Variants in KCNH7 observed in about 807,000 individuals in gnomAD.
The protein encoded by KCNH7 is voltage-gated inwardly rectifying potassium channel KCNH7.
In KCNH7, 49 loss-of-function variants were observed where a neutral mutation model predicts 120.8. The ratio of observed to expected loss-of-function variants is 0.41; its 90% CI spans 0.32 to 0.51. The LOEUF (loss-of-function observed/expected upper bound fraction) is 0.51, where lower values mean the gene tolerates loss of function less well. Ranked by LOEUF, KCNH7 falls within the 20% of genes least tolerant of loss-of-function variation. The pLI, the probability that KCNH7 is intolerant of heterozygous loss-of-function variation, is 0.38. For missense variants in KCNH7, 1,097 were observed against 1,446.6 expected, an observed-to-expected ratio of 0.76 and a Z score of 3.92; for synonymous variants, 547 against 516.1, an observed-to-expected ratio of 1.06 and a Z score of -0.81.
intron 2 of KCNH7, among the ~76,000 whole-genome samples, chr2:162,574,684 T>C (rs1327133124): frequency 6.6e-6 from 1 of 151,984 alleles, no homozygotes; most frequent in Non-Finnish European, 1.5e-5. Context: ...GAATAAAAAT[T>C]TAGAAAGCTG....
intron 3 of KCNH7, among the ~76,000 whole-genome samples, chr2:162,522,402 A>G (rs1392971540): frequency 6.6e-6 from 1 of 151,922 alleles, no homozygotes; most frequent in East Asian, 2.0e-4. Context: ...CCAGTGTGGT[A>G]CAGATGGTCT....
At chr2:162,468,543 C>T (rs186213575) in intron 6 of KCNH7, among the ~76,000 whole-genome samples, 150 of 97,458 alleles carry the variant, frequency 1.5e-3, no homozygotes, top group African/African-American at 6.1e-3. Context: ...TTTTTTCAGA[C>T]GGAGTCTCAG....
intron 2 of KCNH7, 37 bp from the exon 3 acceptor site, chr2:162,537,117 G>T: frequency 6.6e-7 from 1 of 1,525,402 alleles, no homozygotes. Flanking sequence ...TTAAAAATAT[G>T]CCTTCATTCT....
chr2:162,671,814 C>T (rs1685370972), intron 2 of KCNH7, among the ~76,000 whole-genome samples: 1 of 151,942 alleles, frequency 6.6e-6, no homozygotes. Context: ...GCTGATATAG[C>T]TGTATTATTA....
chr2:162,578,999 C>T (rs565686664), intron 2 of KCNH7, among the ~76,000 whole-genome samples: 1 of 151,842 alleles, frequency 6.6e-6, no homozygotes, highest in South Asian at 2.1e-4. Flanking sequence ...AACGCCTACA[C>T]TTGGACTGAT....
Position 162,747,887 on chromosome 2 carries a change from C to T in KCNH7, c.307+88650G>A, listed in dbSNP as rs183588227. On this transcript the variant is annotated intron_variant, in intron 2 of 15. Coordinates refer to ENST00000332142, the MANE Select transcript of KCNH7 (RefSeq NM_033272.4). ...TACAGTGGTCCAGAAGGAAGATGCA[C>T]AAATGTCTATAAAGTGCCTACCTTC... Among the ~76,000 whole-genome samples the T allele has an allele frequency of 1.6e-3, 246 of 152,288 alleles. 2 individuals carry two copies. Among genetic ancestry groups the T allele is most frequent in the African/African-American group, 5.7e-3 (236 of 41,578 alleles).
At position 162,754,251 on chromosome 2, in the gene KCNH7, A is replaced by C. The variant is rs1402311460; in HGVS notation, c.307+82286T>G. 2.6e-5 allele frequency among the ~76,000 whole-genome samples: 4 copies of C among 152,130 alleles called. No homozygotes were observed. In the East Asian group the frequency reaches 7.7e-4, roughly 29 times the overall value. On this transcript the variant is annotated intron_variant, in intron 2 of 15. Coordinates refer to ENST00000332142, the MANE Select transcript of KCNH7 (RefSeq NM_033272.4). ...AGATTACTACAATAGATCAAGAGGC[A>C]GCAGTCTGAAACTGTACAAGAGTAG...
chr2:162,824,702 G>C (rs1685225414), intron 2 of KCNH7, among the ~76,000 whole-genome samples: 1 of 152,064 alleles, frequency 6.6e-6, no homozygotes, highest in Non-Finnish European at 1.5e-5. Context: ...CGTATCATAT[G>C]TAATTTTGAG....
At chr2:162,811,349 A>T (rs1298955518) in intron 2 of KCNH7, among the ~76,000 whole-genome samples, 1 of 152,176 alleles carries the variant, frequency 6.6e-6, no homozygotes, top group Non-Finnish European at 1.5e-5. Context: ...AAACAACATT[A>T]TGAAAAGGTT....
intron 2 of KCNH7, among the ~76,000 whole-genome samples, chr2:162,683,566 T>C (rs1685784384): frequency 6.6e-6 from 1 of 151,900 alleles, no homozygotes; most frequent in African/African-American, 2.4e-5. Context: ...ACATTTCTAA[T>C]AAGAGACATT....
At position 162,752,902 on chromosome 2, in the gene KCNH7, G is replaced by GAAAAAAGAAAAGAAAAGAA. The variant is rs140501872; in HGVS notation, c.307+83634_307+83635insTTCTTTTCTTTTCTTTTTT. ...GGCAAAAGAGCAAGACTACATCTCA[G>GAAAAAAGAAAAGAAAAGAA]AAAAAGAAAAGAAAAGAAAAGAAAA... On this transcript the variant is annotated intron_variant, in intron 2 of 15. Transcript: ENST00000332142. 2.0e-4 allele frequency among the ~76,000 whole-genome samples: 12 copies of GAAAAAAGAAAAGAAAAGAA among 61,218 alleles called. 2 individuals are homozygous for GAAAAAAGAAAAGAAAAGAA. Among genetic ancestry groups the GAAAAAAGAAAAGAAAAGAA allele is most frequent in the South Asian group, 4.8e-4 (1 of 2,104 alleles). 40.2% of individuals were successfully genotyped at this position (61,218 alleles called of 152,430 possible). A position where few individuals can be genotyped will look rare whatever the true frequency, so the allele number is the denominator to read the frequency against.
chr2:162,421,171 C>T (rs947350569), intron 9 of KCNH7, among the ~76,000 whole-genome samples: 8 of 152,032 alleles, frequency 5.3e-5, no homozygotes, highest in Admixed American at 3.3e-4. Flanking sequence ...CAAGACTCAG[C>T]GGCACATGGT....
chr2:162,836,673 T>C lies in KCNH7; in HGVS notation c.171A>G (p.Pro57=). The stretch of plus-strand genomic sequence containing the variant: ...AGGTGCATGGCTTTTGCATGACATC[T>C]GGCCTGGAGAAACCAGTCATCTCAC... ...GFCEMTGFSR[P]DVMQKPCTCD... is the part of the protein sequence containing the mutation. The change falls in exon 2 of 16, where the codon CCA becomes CCG. Residue 57 remains proline (P), a synonymous_variant. Coordinates refer to ENST00000332142, the MANE Select transcript of KCNH7 (RefSeq NM_033272.4). 1.2e-6 allele frequency: 2 copies of C among 1,614,186 alleles called. No homozygotes were observed. The highest frequency in any genetic ancestry group is 1.7e-6 in the Non-Finnish European group (2 of 1,180,022).
intron 2 of KCNH7, among the ~76,000 whole-genome samples, chr2:162,643,180 G>C (rs11898495): frequency 0.044 from 6,753 of 151,994 alleles, 282 homozygotes; most frequent in East Asian, 0.12. Context: ...ATAATGCTAA[G>C]GCTGTTCACC....
intron 2 of KCNH7, among the ~76,000 whole-genome samples, chr2:162,767,493 T>C (rs1199776149): frequency 6.6e-6 from 1 of 152,126 alleles, no homozygotes; most frequent in African/African-American, 2.4e-5. Context: ...TCCCATAGTT[T>C]TACTGCTATT....
intron 6 of KCNH7, among the ~76,000 whole-genome samples, chr2:162,466,407 T>C (rs574315023): frequency 1.3e-5 from 2 of 152,230 alleles, no homozygotes; most frequent in South Asian, 2.1e-4. Context: ...CTTCTACACA[T>C]GGCGGCAGGA....
intron 2 of KCNH7, among the ~76,000 whole-genome samples, chr2:162,805,149 A>G (rs535664557): frequency 6.6e-6 from 1 of 152,142 alleles, no homozygotes; most frequent in South Asian, 2.1e-4. Context: ...CAACCCTGGA[A>G]AAACTCTCCT....
chr2:162,632,637 G>C (rs2105220164), intron 2 of KCNH7, among the ~76,000 whole-genome samples: 1 of 151,690 alleles, frequency 6.6e-6, no homozygotes, highest in East Asian at 1.9e-4. Flanking sequence ...GTTGGCTGAG[G>C]ATTCCATAAT....
intron 12 of KCNH7, among the ~76,000 whole-genome samples, chr2:162,390,261 C>G (rs1686705459): frequency 6.6e-6 from 1 of 150,548 alleles, no homozygotes; most frequent in Non-Finnish European, 1.5e-5. Flanking sequence ...TATACACACA[C>G]ACACACACAT....
Sources: gnomAD v4.1 joint callset for allele counts (sites outside exome capture counted in the v4.1 genomes callset) on GRCh38, gnomAD v4.1.1 for gene constraint, MANE v1.5 for transcripts, NCBI Gene and HGNC (gene_info 2026-07-23, HGNC 2026-07-21) for gene names.